ARHGAP45: variants seen among roughly 807,000 people sequenced by gnomAD.
The protein encoded by ARHGAP45 is Rho GTPase activating protein 45.
In ARHGAP45, 56 loss-of-function variants were observed where a neutral mutation model predicts 116.1. The ratio of observed to expected loss-of-function variants is 0.48; its 90% CI spans 0.39 to 0.60. The LOEUF (loss-of-function observed/expected upper bound fraction) is 0.60, where lower values mean the gene tolerates loss of function less well. Ranked by LOEUF, ARHGAP45 falls within the 20% of genes least tolerant of loss-of-function variation. The pLI is 0.00. For missense variants in ARHGAP45, 1,622 were observed against 1,601.0 expected, an observed-to-expected ratio of 1.01 and a Z score of -0.22; for synonymous variants, 866 against 701.7, an observed-to-expected ratio of 1.23 and a Z score of -3.70.
In ARHGAP45 at chr19:1,081,554, G is replaced by C; in HGVS notation, c.2195G>C (p.Cys732Ser). The C allele has an allele frequency of 6.8e-7, 1 of 1,472,236 alleles. No individual in the cohort carries two copies. Among genetic ancestry groups the C allele is most frequent in the East Asian group, 2.5e-5 (1 of 39,908 alleles). The allele number at this position is 1,472,236 out of a possible 1,614,324, so 91.2% of individuals were successfully genotyped here. A position where few individuals can be genotyped will look rare whatever the true frequency, so the allele number is the denominator to read the frequency against. The change falls in exon 18 of 23, where the codon TGC (cysteine) becomes TCC (serine). Residue 732 changes from cysteine (C) to serine (S), a missense_variant. Physicochemically the swap from Cys to Ser is moderately radical, Grantham distance 112. Coordinates refer to ENST00000313093, the MANE Select transcript of ARHGAP45 (RefSeq NM_012292.5). ...ACTCACTCTGGCCGCCCCCAGTGCTGCCTGGCCTGCCACAAGAAATGTCTG... is the reference window on the plus strand; with the variant it reads ...ACTCACTCTGGCCGCCCCCAGTGCTCCCTGGCCTGCCACAAGAAATGTCTG... Reference protein sequence around the residue: ...YFQGAECEECCLACHKKCLET... With the variant: ...YFQGAECEECSLACHKKCLET...
chr19:1,079,879 G>C (rs762326728), intron 12 of ARHGAP45, 39 bp downstream of exon 12: 1 of 1,591,690 alleles, frequency 6.3e-7, no homozygotes. Context: ...GGGGATGGTG[G>C]ACCGGGCGGC....
At chr19:1,084,800 C>T (rs1409327076) in intron 22 of ARHGAP45, among the ~76,000 whole-genome samples, 2 of 152,140 alleles carry the variant, frequency 1.3e-5, no homozygotes, top group Non-Finnish European at 2.9e-5. Flanking sequence ...AAATAAATAC[C>T]TGAGGCTGGG....
At chr19:1,073,926 C>T (rs2043185335) in intron 5 of ARHGAP45, 22 bp from the exon 6 acceptor site, 4 of 1,541,066 alleles carry the variant, frequency 2.6e-6, no homozygotes, top group African/African-American at 1.4e-5. Context: ...GGGCTGGTCT[C>T]ACCTGCGTCT....
In ARHGAP45 at chr19:1,069,898, C is replaced by T. The variant is rs139255200; in HGVS notation, c.421+1154C>T. 3.4e-3 allele frequency among the ~76,000 whole-genome samples: 519 copies of T among 150,924 alleles called. 3 individuals carry two copies. The highest frequency in any genetic ancestry group is 0.012 in the African/African-American group (500 of 41,148). Reference sequence around the variant, plus strand: ...GTGGTGTGATTGAGGCTCACTGTTACCTTGAACTCCTGGGCTCAAGCCATC... The same window carrying T: ...GTGGTGTGATTGAGGCTCACTGTTATCTTGAACTCCTGGGCTCAAGCCATC... On this transcript the variant is annotated intron_variant, in intron 2 of 22. Coordinates refer to ENST00000313093, the MANE Select transcript of ARHGAP45 (RefSeq NM_012292.5). This position sits in a 1 kb window ranked among gnomAD's most constrained non-coding sequence, Gnocchi z 4.1.
In ARHGAP45 at chr19:1,083,352, A is replaced by T; in HGVS notation, c.2954A>T (p.Gln985Leu). 6.5e-7 allele frequency: 1 copy of T among 1,544,904 alleles called. No individual in the cohort carries two copies. Among genetic ancestry groups the T allele is most frequent in the Non-Finnish European group, 8.7e-7 (1 of 1,148,018 alleles). ...GAGCCGGAGGAGACCCCCGGGGGCCAGGTGAGGGTGTGGGCCTGACCGGGG... is the reference window on the plus strand; with the variant it reads ...GAGCCGGAGGAGACCCCCGGGGGCCTGGTGAGGGTGTGGGCCTGACCGGGG... Reference protein sequence around the residue: ...EEEPEETPGGQDESSNQRAEV... With the variant: ...EEEPEETPGGLDESSNQRAEV... Residue 985 changes from glutamine to leucine, a missense_variant and splice_region_variant, in exon 21 of 23, where the codon CAG (glutamine) becomes CTG (leucine). Gln to Leu is a moderately radical substitution (Grantham distance 113). This residue lies in a region of ARHGAP45 where 1,334 missense variants were observed against 1,263.8 expected (regional missense o/e 1.06). Coordinates refer to ENST00000313093, the MANE Select transcript of ARHGAP45 (RefSeq NM_012292.5).
intron 10 of ARHGAP45, chr19:1,077,006 G>T (rs1340470469): frequency 1.0e-6 from 1 of 984,894 alleles, no homozygotes; most frequent in African/African-American, 1.7e-5. Context: ...TGGGAGTACA[G>T]GTGTGACCCA....
rs2043138276 is a variant in ARHGAP45, at chr19:1,071,375, C to T, written c.422-1774C>T. 8.6e-6 allele frequency: 11 copies of T among 1,284,088 alleles called. No individual in the cohort carries two copies. The highest frequency in any genetic ancestry group is 1.6e-5 in the African/African-American group (1 of 62,880). The allele number at this position is 1,284,088 out of a possible 1,614,324, so 79.5% of individuals were successfully genotyped here. On this transcript the variant is annotated intron_variant, in intron 2 of 22. Coordinates refer to ENST00000313093, the MANE Select transcript of ARHGAP45 (RefSeq NM_012292.5). This position sits in a 1 kb window ranked among gnomAD's most constrained non-coding sequence, Gnocchi z 4.6. ...GCCCCCGAGGTGAGGGGACAGGTGCCGGGCGCTGGGTCCCGCCGCGTCCGG... is the reference window on the plus strand; with the variant it reads ...GCCCCCGAGGTGAGGGGACAGGTGCTGGGCGCTGGGTCCCGCCGCGTCCGG...
intron 19 of ARHGAP45, 114 bp downstream of exon 19, chr19:1,082,075 C>A: frequency 1.3e-4 from 36 of 276,970 alleles, no homozygotes; most frequent in East Asian, 2.4e-4. Flanking sequence ...AGGACTGGCG[C>A]AAGCGGGGGC....
At chr19:1,084,735 C>T (rs982704685) in intron 22 of ARHGAP45, among the ~76,000 whole-genome samples, 14 of 152,122 alleles carry the variant, frequency 9.2e-5, no homozygotes, top group South Asian at 2.1e-4. Flanking sequence ...GGCAGCTGGC[C>T]GAGTGCCGCA....
chr19:1,075,031 C>G (rs1281818386), intron 10 of ARHGAP45, 152 bp downstream of exon 10: 1 of 487,456 alleles, frequency 2.1e-6, no homozygotes, highest in Non-Finnish European at 3.0e-6. Flanking sequence ...TGGGCCGCCC[C>G]CCCCAACGCC....
intron 10 of ARHGAP45, chr19:1,077,072 T>A: frequency 1.0e-6 from 1 of 985,308 alleles, no homozygotes; most frequent in African/African-American, 1.7e-5. Context: ...TGTGCGAATC[T>A]GATGGTGCAG....
rs2043059396 is a variant in ARHGAP45 at position 1,067,508 on chromosome 19, C to T, written c.90+13C>T. ...GCAGCCCTCGGGGGTGAGTGGAGCCCGGGTGAGACCCGGAGCTGACGCCGG... is the reference window on the plus strand; with the variant it reads ...GCAGCCCTCGGGGGTGAGTGGAGCCTGGGTGAGACCCGGAGCTGACGCCGG... On this transcript the variant is annotated intron_variant, in intron 1 of 22. Transcript: ENST00000313093. 2 of 1,585,380 alleles carry T rather than the reference C, an allele frequency of 1.3e-6. No homozygotes were observed. The highest frequency in any genetic ancestry group is 1.1e-5 in the South Asian group (1 of 87,920).
Position 1,085,604 on chromosome 19 carries a change from GTC to G in ARHGAP45, c.3065-51_3065-50del, listed in dbSNP as rs1209694475. Reference sequence around the variant, plus strand: ...ATCTCTCCTGTCTGTCCCTCCCCTTGTCTCTCCTCCATCTCTCCTGTCTGTCT... The same window carrying G: ...ATCTCTCCTGTCTGTCCCTCCCCTTGTCTCCTCCATCTCTCCTGTCTGTCT... On this transcript the variant is annotated intron_variant, in intron 22 of 22. Transcript: ENST00000313093. 3.8e-6 allele frequency: 5 copies of G among 1,307,402 alleles called. No homozygotes were observed. In the East Asian group the frequency reaches 1.0e-4, roughly 27 times the overall value. 81.0% of individuals were successfully genotyped at this position (1,307,402 alleles called of 1,614,324 possible).
At chr19:1,074,276 G>C in intron 7 of ARHGAP45, 35 bp downstream of exon 7, 2 of 1,612,088 alleles carry the variant, frequency 1.2e-6, no homozygotes, top group Non-Finnish European at 1.7e-6. Context: ...TGGGTCTGGA[G>C]GGAGGGGGTT....
rs1303042468 is a variant in ARHGAP45, at chr19:1,068,976, T to C, written c.421+232T>C. 1.3e-5 allele frequency among the ~76,000 whole-genome samples: 2 copies of C among 151,964 alleles called. No individual in the cohort carries two copies. The highest frequency in any genetic ancestry group is 1.9e-4 in the East Asian group (1 of 5,170). ...TGCCCACTTTATTTTTTTTAAAGGA[T>C]CTGATGGCAATTAGGAGGGAAAGGC... On this transcript the variant is annotated intron_variant, in intron 2 of 22. Transcript: ENST00000313093. This position sits in a 1 kb window ranked among gnomAD's most constrained non-coding sequence, Gnocchi z 7.5.
intron 22 of ARHGAP45, among the ~76,000 whole-genome samples, chr19:1,084,659 C>T (rs573465546): frequency 6.6e-5 from 10 of 152,286 alleles, no homozygotes; most frequent in South Asian, 6.2e-4. Flanking sequence ...TGCAGGAGCC[C>T]GTTTTTCTAG....
At chr19:1,070,775 C>T (rs1227647502) in intron 2 of ARHGAP45, among the ~76,000 whole-genome samples, 3 of 151,942 alleles carry the variant, frequency 2.0e-5, no homozygotes, top group African/African-American at 7.3e-5. Flanking sequence ...TGATCCACCG[C>T]GCCCGGCTGG....
intron 10 of ARHGAP45, among the ~76,000 whole-genome samples, chr19:1,076,436 C>G (rs1396683742): frequency 6.8e-6 from 1 of 147,902 alleles, no homozygotes; most frequent in Non-Finnish European, 1.5e-5. Flanking sequence ...TGATTTTTAC[C>G]TGTGGCCTAT....
At chr19:1,073,420 C>A in intron 3 of ARHGAP45, 86 bp from the exon 4 acceptor site, 3 of 1,565,182 alleles carry the variant, frequency 1.9e-6, no homozygotes, top group Non-Finnish European at 8.7e-7. Flanking sequence ...CCTGTTCCCC[C>A]TGGGTTAAGG....
Sources: allele counts gnomAD v4.1 joint callset (sites outside exome capture counted in the v4.1 genomes callset), GRCh38; gene constraint gnomAD v4.1.1; regional missense constraint gnomAD v4.1.1; non-coding constraint Gnocchi (gnomAD v3.1); transcripts MANE v1.5; gene names NCBI Gene and HGNC (gene_info 2026-07-23, HGNC 2026-07-21).